Variants in MDGA2 observed in about 807,000 individuals in gnomAD.
MDGA2 encodes MAM domain containing glycosylphosphatidylinositol anchor 2, also known as MAM domain-containing glycosylphosphatidylinositol anchor protein 2.
In MDGA2, 40 loss-of-function variants were observed where a neutral mutation model predicts 117.8. The ratio of observed to expected loss-of-function variants is 0.34; its 90% CI spans 0.26 to 0.44. MDGA2 has a LOEUF of 0.44. MDGA2 is among the 20% of genes least tolerant of loss of function. MDGA2 has a pLI of 1.00. For missense variants in MDGA2, 1,123 were observed against 1,250.6 expected, an observed-to-expected ratio of 0.90 and a Z score of 1.54; for synonymous variants, 452 against 439.0, an observed-to-expected ratio of 1.03 and a Z score of -0.37.
At chr14:47,085,810 C>G (rs1042218701) in intron 6 of MDGA2, among the ~76,000 whole-genome samples, 1 of 151,972 alleles carries the variant, frequency 6.6e-6, no homozygotes, top group African/African-American at 2.4e-5. Context: ...TTTGACTAGT[C>G]TTATATTTAT....
intron 1 of MDGA2, among the ~76,000 whole-genome samples, chr14:47,420,968 G>A (rs1390961354): frequency 6.6e-6 from 1 of 151,970 alleles, no homozygotes; most frequent in Non-Finnish European, 1.5e-5. Flanking sequence ...AAGAAAACAT[G>A]CCTATTTCAA....
intron 1 of MDGA2, among the ~76,000 whole-genome samples, chr14:47,452,670 T>A (rs995821036): frequency 6.6e-6 from 1 of 152,076 alleles, no homozygotes; most frequent in African/African-American, 2.4e-5. Flanking sequence ...AAAACAGAAC[T>A]GTTGCTCCTT....
At chr14:47,033,172 C>T (rs747658317) in intron 8 of MDGA2, among the ~76,000 whole-genome samples, 3 of 151,976 alleles carry the variant, frequency 2.0e-5, no homozygotes, top group South Asian at 2.1e-4. Flanking sequence ...TATTTTCTAG[C>T]GGACTAATTA....
At chr14:47,138,750 T>A (rs1356778463) in intron 4 of MDGA2, among the ~76,000 whole-genome samples, 1 of 152,114 alleles carries the variant, frequency 6.6e-6, no homozygotes, top group Non-Finnish European at 1.5e-5. Context: ...TCTGTCAATT[T>A]AGATTCATTT....
intron 1 of MDGA2, among the ~76,000 whole-genome samples, chr14:47,313,864 G>A (rs1015530687): frequency 2.0e-4 from 31 of 151,916 alleles, no homozygotes; most frequent in Non-Finnish European, 3.8e-4. Context: ...TTAACTTTTG[G>A]TCCATCTCTA....
chr14:47,217,957 AG>A (rs1886158783), intron 3 of MDGA2, 63 bp downstream of exon 3: 1 of 1,307,056 alleles, frequency 7.7e-7, no homozygotes, highest in Non-Finnish European at 1.0e-6. Flanking sequence ...AGAAAACCAT[AG>A]ACTTGTAAGA....
intron 1 of MDGA2, among the ~76,000 whole-genome samples, chr14:47,627,900 T>G (rs762155836): frequency 6.6e-6 from 1 of 152,084 alleles, no homozygotes; most frequent in African/African-American, 2.4e-5. Context: ...AGGAAGAAAC[T>G]CCGCACACAT....
At position 47,073,551 on chromosome 14, in the gene MDGA2, T is replaced by G. The variant is rs564581957; in HGVS notation, c.1196-11973A>C. On this transcript the variant is annotated intron_variant, in intron 6 of 16. Transcript: ENST00000399232. Reference sequence around the variant, plus strand: ...ACAGCATGTCTATCACTATTCTTTCTGCCAAAGGTGCACAGATGAAGAGCC... The same window carrying G: ...ACAGCATGTCTATCACTATTCTTTCGGCCAAAGGTGCACAGATGAAGAGCC... 4.6e-5 allele frequency among the ~76,000 whole-genome samples: 7 copies of G among 152,332 alleles called. No homozygotes were observed. In the East Asian group the frequency reaches 1.4e-3, roughly 29 times the overall value.
At chr14:47,559,148 C>T (rs930375855) in intron 1 of MDGA2, among the ~76,000 whole-genome samples, 1 of 152,004 alleles carries the variant, frequency 6.6e-6, no homozygotes, top group African/African-American at 2.4e-5. Flanking sequence ...AGGTAAATTG[C>T]GTGTTGCAAG....
chr14:46,938,822 T>G (rs1884887607), intron 9 of MDGA2, among the ~76,000 whole-genome samples: 1 of 152,194 alleles, frequency 6.6e-6, no homozygotes, highest in African/African-American at 2.4e-5. Context: ...GCATATTTAT[T>G]GTAGTACTAT....
intron 9 of MDGA2, among the ~76,000 whole-genome samples, chr14:46,947,296 A>G (rs1885205353): frequency 1.3e-5 from 2 of 152,266 alleles, no homozygotes; most frequent in Admixed American, 6.6e-5. Flanking sequence ...TAATGTCTAT[A>G]TAATTCTAAA....
chr14:46,977,852 T>C (rs1011741711), intron 8 of MDGA2, among the ~76,000 whole-genome samples: 4 of 110,724 alleles, frequency 3.6e-5, no homozygotes, highest in African/African-American at 1.3e-4. Context: ...CTTGAAAATC[T>C]TGCTGGAGAA....
At chr14:47,452,261 G>A (rs1450049315) in intron 1 of MDGA2, among the ~76,000 whole-genome samples, 3 of 152,016 alleles carry the variant, frequency 2.0e-5, no homozygotes, top group Non-Finnish European at 4.4e-5. Context: ...ACATTTTGCT[G>A]AAGGGATCCA....
At chr14:47,265,425 T>G (rs914508002) in intron 2 of MDGA2, among the ~76,000 whole-genome samples, 1 of 152,122 alleles carries the variant, frequency 6.6e-6, no homozygotes, top group Non-Finnish European at 1.5e-5. Context: ...TTTAATAATA[T>G]ATGTATCTCC....
chr14:47,185,097 C>T (rs1476894730), intron 3 of MDGA2, among the ~76,000 whole-genome samples: 1 of 150,398 alleles, frequency 6.6e-6, no homozygotes, highest in Non-Finnish European at 1.5e-5. Context: ...TTATCTTTTA[C>T]AAGAGACATA....
chr14:46,973,994 C>T (rs1260217262), intron 8 of MDGA2, among the ~76,000 whole-genome samples: 1 of 151,638 alleles, frequency 6.6e-6, no homozygotes, highest in Non-Finnish European at 1.5e-5. Context: ...CTGCCTCAGC[C>T]TCCCAAAACG....
chr14:47,421,914 AT>A (rs1378951199), intron 1 of MDGA2, among the ~76,000 whole-genome samples: 4 of 151,680 alleles, frequency 2.6e-5, no homozygotes, highest in Admixed American at 6.6e-5. Context: ...TTTTAAATTC[AT>A]TTTTTTTCAA....
intron 3 of MDGA2, among the ~76,000 whole-genome samples, chr14:47,198,452 G>A (rs1174195926): frequency 6.6e-6 from 1 of 151,946 alleles, no homozygotes; most frequent in African/African-American, 2.4e-5. Context: ...GGCACCTGTA[G>A]TCCCAGCTAC....
intron 5 of MDGA2, among the ~76,000 whole-genome samples, chr14:47,130,004 A>C (rs1594652383): frequency 6.6e-6 from 1 of 151,092 alleles, no homozygotes; most frequent in African/African-American, 2.4e-5. Context: ...CCTTTGTCAG[A>C]TAAGTAGGTT....
Sources: allele counts gnomAD v4.1 joint callset (sites outside exome capture counted in the v4.1 genomes callset), GRCh38; gene constraint gnomAD v4.1.1; transcripts MANE v1.5; gene names NCBI Gene and HGNC (gene_info 2026-07-23, HGNC 2026-07-21).